Variants in IMPDH2 observed in about 807,000 individuals in gnomAD.
IMPDH2 encodes inosine-5'-monophosphate dehydrogenase 2.
IMPDH2 carries 33 observed loss-of-function variants against 57.8 expected under a neutral mutation model. The observed-to-expected ratio is 0.57, with a 90% CI of 0.43 to 0.76. The LOEUF is 0.76. Among genes scored for constraint, IMPDH2 ranks in the 30% least tolerant of loss-of-function variants. The pLI, the probability that IMPDH2 is intolerant of heterozygous loss-of-function variation, is 0.00. For synonymous variants in IMPDH2, 270 were observed against 241.3 expected (o/e 1.12, Z -1.10); for missense variants, 446 against 659.1 (o/e 0.68, Z 3.54).
Position 49,026,518 on chromosome 3 carries a change from C to A in IMPDH2, c.910+1G>T. On this transcript the variant is annotated splice_donor_variant, in intron 8 of 13. Transcript: ENST00000326739. LOFTEE classifies it high-confidence loss of function. ...TCCTTCAGGGCACAATCTTGCCTTA[C>A]CATTGCCTCCAATGACTTGGAGATT... 1.2e-6 allele frequency: 2 copies of A among 1,612,318 alleles called. No individual in the cohort carries two copies. Among genetic ancestry groups the A allele is most frequent in the Non-Finnish European group, 1.7e-6 (2 of 1,178,276 alleles).
intron 4 of IMPDH2, 122 bp downstream of exon 4, chr3:49,028,126 T>C: frequency 1.1e-6 from 1 of 913,020 alleles, no homozygotes. Context: ...CAGGGTCTTC[T>C]CAGTAACTGA....
chr3:49,029,354 C>T lies in IMPDH2; in HGVS notation c.-4G>A, dbSNP rs754765837. ...CACTAATCAGGTAGTCGGCCATGGC[C>T]AACACAGGACACCGCCGCGTGTCTC... is the stretch of plus-strand genomic sequence containing the variant. On this transcript the variant is annotated 5_prime_UTR_variant, in exon 1 of 14. Transcript: ENST00000326739. 1.9e-6 allele frequency: 3 copies of T among 1,577,230 alleles called. No homozygotes were observed. Among genetic ancestry groups the T allele is most frequent in the South Asian group, 1.1e-5 (1 of 87,514 alleles).
rs72553873 is a variant in IMPDH2, at chr3:49,024,958, A to G, written c.1233T>C (p.Tyr411=). Residue 411 remains tyrosine, a synonymous_variant, in exon 11 of 14, where the codon TAT becomes TAC. Coordinates refer to ENST00000326739, the MANE Select transcript of IMPDH2 (RefSeq NM_000884.3). ...FFSDGIRLKK[Y]RGMGSLDAMD... is the part of the protein sequence containing the mutation. Reference sequence around the variant, plus strand: ...TGGCATCGAGAGAACCCATACCGCGATATTTCTTTAGCCGGATCCCATCGG... The same window carrying G: ...TGGCATCGAGAGAACCCATACCGCGGTATTTCTTTAGCCGGATCCCATCGG... The G allele has an allele frequency of 2.8e-4, 453 of 1,614,192 alleles. 2 individuals carry two copies. The South Asian group carries it at 4.1e-3, about 15-fold the overall frequency.
At chr3:49,028,730 T>G (rs756131508) in intron 2 of IMPDH2, 28 bp downstream of exon 2, 1 of 1,598,826 alleles carries the variant, frequency 6.3e-7, no homozygotes, top group South Asian at 1.1e-5. Flanking sequence ...ACCTTGATGT[T>G]CAGGACCCAA....
Position 49,025,135 on chromosome 3 carries a change from C to G in IMPDH2, c.1141G>C (p.Ala381Pro). 2 of 1,614,214 alleles carry G rather than the reference C, an allele frequency of 1.2e-6. No homozygotes were observed. The highest frequency in any genetic ancestry group is 1.7e-6 in the Non-Finnish European group (2 of 1,180,024). ...GGGTACTGGGCCTCACCTGTGGAGG[C>G]CCCAAGGGCCAAGGCTTTCGCAATA... The part of the protein sequence containing the change: ...GHIAKALALG[A>P]STVMMGSLLA... Residue 381 changes from alanine to proline, a missense_variant, in exon 10 of 14, where the codon GCC becomes CCC. Coordinates refer to ENST00000326739, the MANE Select transcript of IMPDH2 (RefSeq NM_000884.3).
At position 49,026,547 on chromosome 3, in the gene IMPDH2, G is replaced by T; in HGVS notation, c.882C>A (p.Tyr294Ter). ...TGCCTCCAATGACTTGGAGATTAGG[G>T]TATTTGTCTTTGATGTACTTGATCA... is the stretch of plus-strand genomic sequence containing the variant. ...INMIKYIKDK[Y>*]PNLQVIGGNV... The change falls in exon 8 of 14, where the codon TAC (tyrosine) becomes TAA (stop). Residue 294 changes from tyrosine (Y) to a stop codon, truncating the protein, a stop_gained. Coordinates refer to ENST00000326739, the MANE Select transcript of IMPDH2 (RefSeq NM_000884.3). LOFTEE classifies it high-confidence loss of function. The T allele has an allele frequency of 1.2e-6, 2 of 1,613,760 alleles. No individual in the cohort carries two copies. The highest frequency in any genetic ancestry group is 1.7e-6 in the Non-Finnish European group (2 of 1,179,620).
chr3:49,024,540 C>G lies in IMPDH2; in HGVS notation c.1478G>C (p.Arg493Thr). 6.2e-7 allele frequency: 1 copy of G among 1,614,194 alleles called. No individual in the cohort carries two copies. ...MYSGELKFEK[R>T]TSSAQVEGGV... ...ACCTTCCACCTGGGCTGAGGACGTTCTCTTCTCAAACTTAAGCTCCCCAGA... is the reference window on the plus strand; with the variant it reads ...ACCTTCCACCTGGGCTGAGGACGTTGTCTTCTCAAACTTAAGCTCCCCAGA... Residue 493 changes from arginine (R) to threonine (T), a missense_variant, in exon 13 of 14, where the codon AGA becomes ACA. By Grantham distance (71) the Arg-to-Thr change is moderately conservative. Coordinates refer to ENST00000326739, the MANE Select transcript of IMPDH2 (RefSeq NM_000884.3).
intron 9 of IMPDH2, among the ~76,000 whole-genome samples, chr3:49,025,675 AGAGCAGGCTGTGGTTGTGTG>A (rs1406951107): frequency 4.6e-5 from 7 of 152,180 alleles, no homozygotes; most frequent in East Asian, 3.8e-4. Context: ...GTTGTGTAGG[AGAGCAGGCTGTGGTTGTGTG>A]GAGCAGGCAG....
intron 1 of IMPDH2, 105 bp from the exon 2 acceptor site, chr3:49,028,911 G>A (rs1433541717): frequency 5.5e-6 from 5 of 901,990 alleles, no homozygotes; most frequent in Non-Finnish European, 9.1e-6. Context: ...AGCAGAGAGT[G>A]GCACTGACAG....
At chr3:49,028,717 C>CTA (rs2093210566) in intron 2 of IMPDH2, 41 bp downstream of exon 2, 1 of 1,558,396 alleles carries the variant, frequency 6.4e-7, no homozygotes, top group South Asian at 1.1e-5. Flanking sequence ...AGCACCTTAG[C>CTA]TCACCTTGAT....
chr3:49,028,643 A>G (rs1166916725), intron 2 of IMPDH2, 111 bp from the exon 3 acceptor site: 2 of 1,310,372 alleles, frequency 1.5e-6, no homozygotes, highest in Admixed American at 1.7e-5. Flanking sequence ...AACAAGCAAC[A>G]TGATCCTATA....
At chr3:49,029,039 A>G in intron 1 of IMPDH2, 1 of 642,622 alleles carries the variant, frequency 1.6e-6, no homozygotes, top group Admixed American at 2.3e-5. Flanking sequence ...GGAGCATGGA[A>G]TCTCCGGCCT....
Position 49,024,694 on chromosome 3 carries a change from G to T in IMPDH2, c.1404C>A (p.Cys468Ter), listed in dbSNP as rs1361836543. The T allele has an allele frequency of 6.2e-7, 1 of 1,614,100 alleles. No individual in the cohort carries two copies. The highest frequency in any genetic ancestry group is 8.5e-7 in the Non-Finnish European group (1 of 1,180,042). ...PYLIAGIQHS[C>*]QDIGAKSLTQ... is the part of the protein sequence containing the mutation. ...TCAAGCTCTTGGCACCAATGTCCTG[G>T]CATGAGTGTTGGATGCCAGCAATCA... Residue 468 changes from cysteine (C) to a stop codon, truncating the protein, a stop_gained, in exon 12 of 14, where the codon TGC (cysteine) becomes TGA (stop). Coordinates refer to ENST00000326739, the MANE Select transcript of IMPDH2 (RefSeq NM_000884.3). LOFTEE classifies it high-confidence loss of function.
intron 1 of IMPDH2, 119 bp from the exon 2 acceptor site, chr3:49,028,925 C>G (rs555129237): frequency 1.3e-5 from 11 of 829,828 alleles, no homozygotes; most frequent in African/African-American, 3.4e-5. Flanking sequence ...CTGACAGAGT[C>G]TGTGTGTCAC....
Position 49,024,343 on chromosome 3 carries a change from T to C in IMPDH2, c.*40A>G, listed in dbSNP as rs761307849. 6.2e-7 allele frequency: 1 copy of C among 1,612,258 alleles called. No individual in the cohort carries two copies. The highest frequency in any genetic ancestry group is 8.5e-7 in the Non-Finnish European group (1 of 1,178,628). On this transcript the variant is annotated 3_prime_UTR_variant, in exon 14 of 14. Transcript: ENST00000326739. ...GCATCACTTTTTTCTTTCTAAACTT[T>C]TATTGAAAAAAAAACCGAGGAGGTG...
In IMPDH2 at chr3:49,024,358, C is replaced by A. The variant is rs1325052301; in HGVS notation, c.*25G>T. The A allele has an allele frequency of 1.9e-6, 3 of 1,612,380 alleles. No homozygotes were observed. The highest frequency in any genetic ancestry group is 1.7e-5 in the Admixed American group (1 of 59,942). ...TTCTAAACTTTTATTGAAAAAAAAA[C>A]CGAGGAGGTGTGCTGGATCCCTTTT... On this transcript the variant is annotated 3_prime_UTR_variant, in exon 14 of 14. Transcript: ENST00000326739.
chr3:49,026,389 A>G lies in IMPDH2; in HGVS notation c.941T>C (p.Ile314Thr), dbSNP rs368466461. ...CCGCAGGGCATCCACACCTGCATCA[A>G]TGAGGTTCTTGGCCTGGGCAGCAGT... ...VVTAAQAKNLIDAGVDALRVG... is the reference protein window; with the variant it reads ...VVTAAQAKNLTDAGVDALRVG... The change falls in exon 9 of 14, where the codon ATT (isoleucine) becomes ACT (threonine). Residue 314 changes from isoleucine to threonine, a missense_variant. Physicochemically the swap from Ile to Thr is moderately conservative, Grantham distance 89. Coordinates refer to ENST00000326739, the MANE Select transcript of IMPDH2 (RefSeq NM_000884.3). 1.1e-5 allele frequency: 17 copies of G among 1,613,776 alleles called. No homozygotes were observed. The highest frequency in any genetic ancestry group is 6.7e-5 in the Admixed American group (4 of 59,974).
chr3:49,024,337 A>C lies in IMPDH2; in HGVS notation c.*46T>G, dbSNP rs201229340. ...GATCAGGCATCACTTTTTTCTTTCTAAACTTTTATTGAAAAAAAAACCGAG... is the reference window on the plus strand; with the variant it reads ...GATCAGGCATCACTTTTTTCTTTCTCAACTTTTATTGAAAAAAAAACCGAG... On this transcript the variant is annotated 3_prime_UTR_variant, in exon 14 of 14. Coordinates refer to ENST00000326739, the MANE Select transcript of IMPDH2 (RefSeq NM_000884.3). 3 of 1,608,684 alleles carry C rather than the reference A, an allele frequency of 1.9e-6. No homozygotes were observed. The highest frequency in any genetic ancestry group is 1.7e-6 in the Non-Finnish European group (2 of 1,175,772).
At chr3:49,028,594 G>A (rs1235535858) in intron 2 of IMPDH2, 62 bp from the exon 3 acceptor site, 1 of 1,441,158 alleles carries the variant, frequency 6.9e-7, no homozygotes, top group Admixed American at 1.7e-5. Context: ...GTGTTACTGA[G>A]TCCCCCACAA....
Sources: gnomAD v4.1 joint callset for allele counts (sites outside exome capture counted in the v4.1 genomes callset) on GRCh38, gnomAD v4.1.1 for gene constraint, MANE v1.5 for transcripts, NCBI Gene and HGNC (gene_info 2026-07-23, HGNC 2026-07-21) for gene names.